ATP11C: variants seen among roughly 807,000 people sequenced by gnomAD.
ATP11C encodes ATPase phospholipid transporting 11C (ATP11C blood group).
ATP11C carries 36 observed loss-of-function variants against 97.4 expected under a neutral mutation model. The observed-to-expected ratio is 0.37, with a 90% confidence interval of 0.28 to 0.49. ATP11C has a LOEUF of 0.49. Among genes scored for constraint, ATP11C ranks in the 20% least tolerant of loss-of-function variants. The probability of loss-of-function intolerance (pLI) is 0.98; values close to 1 mark genes in which losing one functional copy is unlikely to be tolerated. For synonymous variants in ATP11C, 275 were observed against 290.9 expected (o/e 0.95, Z 0.56); for missense variants, 730 against 824.6 (o/e 0.89, Z 1.40).
Position 139,932,168 on chromosome X carries a change from A to C in ATP11C, c.-126T>G, listed in dbSNP as rs989657462. 1.8e-6 allele frequency: 1 copy of C among 569,181 alleles called. No individual in the cohort carries two copies. The highest frequency in any genetic ancestry group is 2.3e-6 in the Non-Finnish European group (1 of 444,058). 46.9% of individuals were successfully genotyped at this position (569,181 alleles called of 1,213,427 possible). On this transcript the variant is annotated 5_prime_UTR_variant, in exon 1 of 30. Coordinates refer to ENST00000682941, the MANE Select transcript of ATP11C (RefSeq NM_001353812.2). The stretch of plus-strand genomic sequence containing the variant: ...GAGCAGCGAGGCGGGCGGCCGGGCC[A>C]CCCGCTCGCCGCCTGCCCCCCTCGG...
intron 1 of ATP11C, among the ~76,000 whole-genome samples, chrX:139,871,213 AT>A (rs760807739): frequency 3.7e-4 from 38 of 103,588 alleles, no homozygotes; most frequent in East Asian, 6.1e-4. Context: ...ACTTTCTGTA[AT>A]TTTTTTTTTT....
intron 1 of ATP11C, among the ~76,000 whole-genome samples, chrX:139,837,861 TTACTA>T: frequency 8.9e-6 from 1 of 112,054 alleles, no homozygotes; most frequent in South Asian, 3.7e-4. Flanking sequence ...TCCCAGTCAT[TTACTA>T]TAAGCAAATA....
chrX:139,908,273 A>G (rs1207972987), intron 1 of ATP11C, among the ~76,000 whole-genome samples: 1 of 111,787 alleles, frequency 8.9e-6, no homozygotes, highest in Non-Finnish European at 1.9e-5. Flanking sequence ...ACCCCTTTGC[A>G]GAAGTAGTCC....
At chrX:139,787,595 G>A (rs1336996242) in intron 14 of ATP11C, among the ~76,000 whole-genome samples, 1 of 112,953 alleles carries the variant, frequency 8.9e-6, no homozygotes, top group Non-Finnish European at 1.9e-5. Context: ...ACCGCACCTG[G>A]TCTAGAATGA....
intron 12 of ATP11C, among the ~76,000 whole-genome samples, chrX:139,790,951 G>A (rs2082679252): frequency 9.0e-6 from 1 of 110,607 alleles, no homozygotes; most frequent in Non-Finnish European, 1.9e-5. Context: ...TTTAACATCT[G>A]GCTTTTGGAA....
At chrX:139,822,647 C>G (rs1330999682) in intron 2 of ATP11C, among the ~76,000 whole-genome samples, 1 of 110,424 alleles carries the variant, frequency 9.1e-6, no homozygotes, top group African/African-American at 3.3e-5. Flanking sequence ...CTCCTAAACT[C>G]AGGCAATCTG....
At chrX:139,892,973 C>T (rs1164252313) in intron 1 of ATP11C, among the ~76,000 whole-genome samples, 1 of 111,922 alleles carries the variant, frequency 8.9e-6, no homozygotes, top group Non-Finnish European at 1.9e-5. Flanking sequence ...GAATGAGAGC[C>T]TGTCACACAG....
chrX:139,774,860 T>C lies in ATP11C; in HGVS notation c.2046A>G (p.Lys682=). 8.3e-7 allele frequency: 1 copy of C among 1,210,079 alleles called. No individual in the cohort carries two copies. ...VLTGDKMETA[K]STCYACRLFQ... is the part of the protein sequence containing the mutation. ...AAAGGCGGCAGGCATAGCATGTGGA[T>C]TTAGCTGTCTCCATCTTGTCCCCAG... Residue 682 remains lysine (K), a synonymous_variant, in exon 19 of 30, where the codon AAA becomes AAG. Coordinates refer to ENST00000682941, the MANE Select transcript of ATP11C (RefSeq NM_001353812.2).
At chrX:139,851,190 G>A (rs1471660291) in intron 1 of ATP11C, among the ~76,000 whole-genome samples, 1 of 111,540 alleles carries the variant, frequency 9.0e-6, no homozygotes, top group Non-Finnish European at 1.9e-5. Context: ...ATACTCCACA[G>A]GCTATCTGCC....
chrX:139,833,271 A>C (rs760961535), intron 1 of ATP11C, among the ~76,000 whole-genome samples: 4 of 112,405 alleles, frequency 3.6e-5, no homozygotes, highest in Admixed American at 9.4e-5. Context: ...CTGTAAATGT[A>C]ATTAATTTAA....
intron 27 of ATP11C, among the ~76,000 whole-genome samples, chrX:139,740,570 TG>T (rs2081534886): frequency 8.9e-6 from 1 of 112,065 alleles, no homozygotes; most frequent in Non-Finnish European, 1.9e-5. Context: ...TGTAGTAACA[TG>T]AATCATGGTT....
At chrX:139,795,447 CCA>C (rs2082773306) in intron 12 of ATP11C, among the ~76,000 whole-genome samples, 1 of 111,485 alleles carries the variant, frequency 9.0e-6, no homozygotes, top group Non-Finnish European at 1.9e-5. Flanking sequence ...TCTGCTCCAG[CCA>C]CACAGTTTCA....
intron 2 of ATP11C, among the ~76,000 whole-genome samples, chrX:139,823,123 T>A (rs777773899): frequency 9.0e-6 from 1 of 111,047 alleles, no homozygotes; most frequent in South Asian, 3.9e-4. Flanking sequence ...GGCAGGAGAA[T>A]CGCTTGAACC....
chrX:139,930,046 ACTTAC>A (rs1214731246), intron 1 of ATP11C, among the ~76,000 whole-genome samples: 3 of 111,969 alleles, frequency 2.7e-5, no homozygotes, highest in East Asian at 2.8e-4. Context: ...AATTCCTGAT[ACTTAC>A]CACAGTCATG....
intron 18 of ATP11C, among the ~76,000 whole-genome samples, chrX:139,779,843 A>G (rs1240290261): frequency 1.8e-5 from 2 of 111,908 alleles, no homozygotes; most frequent in African/African-American, 6.5e-5. Context: ...AGAGAGGATT[A>G]AAATAAGCAC....
chrX:139,783,264 T>C lies in ATP11C; in HGVS notation c.1670A>G (p.Asp557Gly). Residue 557 changes from aspartate (D) to glycine (G), a missense_variant, in exon 17 of 30, where the codon GAC (aspartate) becomes GGC (glycine). Transcript: ENST00000682941. ...TGCTCCTTTACAAAAGAGAAGTATGTCTCCTAAAATAAAGAACCATAGTAC... is the reference window on the plus strand; with the variant it reads ...TGCTCCTTTACAAAAGAGAAGTATGCCTCCTAAAATAAAGAACCATAGTAC... ...MSVIVKTQEGDILLFCKGADS... is the reference protein window; with the variant it reads ...MSVIVKTQEGGILLFCKGADS... 3 of 1,177,540 alleles carry C rather than the reference T, an allele frequency of 2.5e-6. No individual in the cohort carries two copies. Among genetic ancestry groups the C allele is most frequent in the Non-Finnish European group, 3.5e-6 (3 of 867,213 alleles).
chrX:139,750,763 A>G (rs781022077), intron 23 of ATP11C, among the ~76,000 whole-genome samples: 1 of 111,520 alleles, frequency 9.0e-6, no homozygotes, highest in African/African-American at 3.3e-5. Context: ...TTGAGCTCCT[A>G]TAACAGGACT....
Position 139,728,793 on chromosome X carries a change from T to C in ATP11C, c.*173A>G. On this transcript the variant is annotated 3_prime_UTR_variant, in exon 30 of 30. Transcript: ENST00000682941. ...TGCTTAAGAGAATCATTTGGTATTT[T>C]AATGAACATTTATTGTGAACTCTAG... 1.8e-6 allele frequency: 1 copy of C among 550,571 alleles called. No homozygotes were observed. The highest frequency in any genetic ancestry group is 3.5e-5 in the East Asian group (1 of 28,517). The allele number at this position is 550,571 out of a possible 1,213,427, so 45.4% of individuals were successfully genotyped here.
chrX:139,744,647 C>CATAA (rs1427351883), intron 25 of ATP11C, among the ~76,000 whole-genome samples: 1 of 111,894 alleles, frequency 8.9e-6, no homozygotes, highest in African/African-American at 3.2e-5. Flanking sequence ...GCCAGGAAAT[C>CATAA]ATAAAATCAA....
Sources: allele counts gnomAD v4.1 joint callset (sites outside exome capture counted in the v4.1 genomes callset), GRCh38; gene constraint gnomAD v4.1.1; transcripts MANE v1.5; gene names NCBI Gene and HGNC (gene_info 2026-07-23, HGNC 2026-07-21).